Variants in C8orf34 observed in about 807,000 individuals in gnomAD.
C8orf34 encodes uncharacterized protein C8orf34.
A neutral mutation model predicts 68.3 loss-of-function variants in C8orf34; 65 were observed. The ratio of observed to expected loss-of-function variants is 0.95; its 90% confidence interval spans 0.78 to 1.17. The LOEUF is 1.17. Ranked by LOEUF, C8orf34 falls within the 50% of genes most tolerant of loss-of-function variation. The pLI, the probability that C8orf34 is intolerant of heterozygous loss-of-function variation, is 0.00. For synonymous variants in C8orf34, 244 were observed against 241.2 expected (o/e 1.01, Z -0.11); for missense variants, 664 against 655.4 (o/e 1.01, Z -0.14).
At chr8:68,495,059 A>C (rs1043058420) in intron 5 of C8orf34, among the ~76,000 whole-genome samples, 4 of 151,650 alleles carry the variant, frequency 2.6e-5, no homozygotes, top group African/African-American at 9.7e-5. Context: ...AGTTAGAACA[A>C]TTCCCCCGGA....
At chr8:68,779,628 G>GTT (rs1327593289) in intron 11 of C8orf34, among the ~76,000 whole-genome samples, 1 of 152,080 alleles carries the variant, frequency 6.6e-6, no homozygotes, top group African/African-American at 2.4e-5. Context: ...TTGGATGCCA[G>GTT]TTTTGGCCAG....
chr8:68,417,560 A>T (rs1809730769), intron 1 of C8orf34, among the ~76,000 whole-genome samples: 1 of 152,182 alleles, frequency 6.6e-6, no homozygotes, highest in Non-Finnish European at 1.5e-5. Flanking sequence ...TGAAAACGAG[A>T]GGAGAAAATA....
At chr8:68,486,344 T>C (rs1813078510) in intron 4 of C8orf34, among the ~76,000 whole-genome samples, 1 of 152,128 alleles carries the variant, frequency 6.6e-6, no homozygotes, top group Non-Finnish European at 1.5e-5. Context: ...TTTTTCTCCT[T>C]TAACTGTTTG....
chr8:68,436,302 G>A (rs1182875282), intron 1 of C8orf34, among the ~76,000 whole-genome samples: 1 of 152,106 alleles, frequency 6.6e-6, no homozygotes, highest in Non-Finnish European at 1.5e-5. Context: ...TCAACTGCAT[G>A]TTGTTTATAT....
At chr8:68,788,814 G>A (rs934596722) in intron 12 of C8orf34, among the ~76,000 whole-genome samples, 4 of 151,776 alleles carry the variant, frequency 2.6e-5, no homozygotes, top group African/African-American at 4.8e-5. Context: ...AGCCGAGATC[G>A]CGCCACTGCA....
intron 7 of C8orf34, among the ~76,000 whole-genome samples, chr8:68,536,403 A>G (rs187596960): frequency 6.7e-6 from 1 of 150,066 alleles, no homozygotes; most frequent in East Asian, 2.0e-4. Flanking sequence ...GAAAAGATCT[A>G]TAAAAATCCC....
chr8:68,423,032 A>T (rs533760114), intron 1 of C8orf34, among the ~76,000 whole-genome samples: 1 of 152,342 alleles, frequency 6.6e-6, no homozygotes, highest in African/African-American at 2.4e-5. Context: ...GAGCCTGGCC[A>T]AGGAAAACAT....
At chr8:68,426,794 A>G (rs1277737794) in intron 1 of C8orf34, among the ~76,000 whole-genome samples, 3 of 151,114 alleles carry the variant, frequency 2.0e-5, no homozygotes, top group Non-Finnish European at 4.4e-5. Context: ...CCTTGAACCC[A>G]GGAGGTAGAC....
intron 4 of C8orf34, among the ~76,000 whole-genome samples, chr8:68,479,443 C>CAG (rs1812766469): frequency 6.8e-6 from 1 of 148,002 alleles, no homozygotes; most frequent in East Asian, 1.9e-4. Flanking sequence ...GAGAAAGCAA[C>CAG]AGAGAGAGAG....
chr8:68,508,420 T>C (rs994436366), intron 5 of C8orf34, among the ~76,000 whole-genome samples: 1 of 152,232 alleles, frequency 6.6e-6, no homozygotes, highest in Non-Finnish European at 1.5e-5. Context: ...ATCAATGGCA[T>C]ATATTTTGGG....
In C8orf34 at chr8:68,567,577, C is replaced by CTTTTTTTTTTTTTTTTTTTTTTTTT. The variant is rs1160845483; in HGVS notation, c.1105+34439_1105+34463dup. ...TCTTTTCAAATTTTGTTTCATTTAT[C>CTTTTTTTTTTTTTTTTTTTTTTTTT]TTTTTTTTTTTTTTTTTTTTTTTTT... On this transcript the variant is annotated intron_variant, in intron 7 of 13. Coordinates refer to ENST00000518698, the MANE Select transcript of C8orf34 (RefSeq NM_052958.4). Among the ~76,000 whole-genome samples, 6 of 29,780 alleles carry CTTTTTTTTTTTTTTTTTTTTTTTTT rather than the reference C, an allele frequency of 2.0e-4. 2 individuals carry two copies. The highest frequency in any genetic ancestry group is 3.1e-3 in the East Asian group (2 of 642). The allele number at this position is 29,780 out of a possible 152,430, so 19.5% of individuals were successfully genotyped here.
At chr8:68,514,791 C>A (rs1323776149) in intron 5 of C8orf34, among the ~76,000 whole-genome samples, 1 of 152,038 alleles carries the variant, frequency 6.6e-6, no homozygotes, top group Non-Finnish European at 1.5e-5. Context: ...GTCTTATTTT[C>A]ATTCAACAGT....
At chr8:68,767,126 G>A (rs1031794321) in intron 10 of C8orf34, among the ~76,000 whole-genome samples, 3 of 152,076 alleles carry the variant, frequency 2.0e-5, no homozygotes, top group Admixed American at 6.6e-5. Context: ...CCTGGGAAGC[G>A]GAGGTTGCAG....
intron 8 of C8orf34, among the ~76,000 whole-genome samples, chr8:68,692,863 C>T (rs1276115979): frequency 6.6e-6 from 1 of 151,996 alleles, no homozygotes; most frequent in Admixed American, 6.6e-5. Context: ...ATATTCTGGT[C>T]CCCTACAGTG....
chr8:68,743,576 G>C (rs547420604), intron 10 of C8orf34, among the ~76,000 whole-genome samples: 1 of 152,214 alleles, frequency 6.6e-6, no homozygotes, highest in African/African-American at 2.4e-5. Context: ...CTCGGGAAGC[G>C]CAAGGGGTCA....
intron 5 of C8orf34, among the ~76,000 whole-genome samples, chr8:68,510,131 T>C (rs894168400): frequency 2.0e-5 from 3 of 152,106 alleles, no homozygotes; most frequent in Non-Finnish European, 2.9e-5. Context: ...ACCCAAAGCT[T>C]GGAATTGAGT....
At chr8:68,349,011 G>C (rs947524604) in intron 1 of C8orf34, among the ~76,000 whole-genome samples, 1 of 152,056 alleles carries the variant, frequency 6.6e-6, no homozygotes, top group African/African-American at 2.4e-5. Flanking sequence ...ATGTTGAATA[G>C]AAGTGGTGAG....
intron 6 of C8orf34, 110 bp downstream of exon 6, chr8:68,522,081 G>A: frequency 1.0e-6 from 1 of 977,490 alleles, no homozygotes; most frequent in Non-Finnish European, 1.5e-6. Context: ...ATTTTTTATA[G>A]AAAATTATGT....
intron 5 of C8orf34, among the ~76,000 whole-genome samples, chr8:68,520,839 C>G (rs1024740512): frequency 3.3e-5 from 5 of 152,042 alleles, no homozygotes; most frequent in African/African-American, 1.2e-4. Flanking sequence ...TTAAGCAAGG[C>G]TTATATTTTT....
Sources: allele counts gnomAD v4.1 joint callset (sites outside exome capture counted in the v4.1 genomes callset), GRCh38; gene constraint gnomAD v4.1.1; transcripts MANE v1.5; gene names NCBI Gene and HGNC (gene_info 2026-07-23, HGNC 2026-07-21).